The following DNASE1 variants were observed in gnomAD, a reference collection of about 807,000 sequenced individuals.
DNASE1 encodes the protein deoxyribonuclease-1.
A neutral mutation model predicts 33.9 loss-of-function variants in DNASE1; 40 were observed. The ratio of observed to expected loss-of-function variants is 1.18; its 90% CI spans 0.92 to 1.54. DNASE1 has a LOEUF of 1.54. DNASE1 is among the 40% of genes most tolerant of loss of function. The pLI is 0.00. For synonymous variants in DNASE1, 216 were observed against 160.0 expected (o/e 1.35, Z -2.64); for missense variants, 518 against 372.6 (o/e 1.39, Z -3.21).
At chr16:3,635,551 C>T (rs929927893) in intron 1 of DNASE1, among the ~76,000 whole-genome samples, 3 of 148,434 alleles carry the variant, frequency 2.0e-5, no homozygotes, top group African/African-American at 2.5e-5. Flanking sequence ...GTCTTTATTT[C>T]TGACCTGTAT....
At chr16:3,650,055 G>A (rs981866676), upstream of DNASE1, among the ~76,000 whole-genome samples, 1 of 152,214 alleles carries the variant, frequency 6.6e-6, no homozygotes, top group African/African-American at 2.4e-5. Flanking sequence ...ATCAACTGGA[G>A]TTGGTTCCTA....
At chr16:3,648,069 G>A (rs1055204806) in intron 1 of DNASE1, among the ~76,000 whole-genome samples, 1 of 152,206 alleles carries the variant, frequency 6.6e-6, no homozygotes. Context: ...TAGGGAGGCT[G>A]AGGGAGGAGA....
chr16:3,615,197 C>T (rs932509453), intron 1 of DNASE1, among the ~76,000 whole-genome samples: 1 of 152,098 alleles, frequency 6.6e-6, no homozygotes, highest in Non-Finnish European at 1.5e-5. Flanking sequence ...TGCATTTAAC[C>T]AGCACCAACT....
In DNASE1 at chr16:3,618,481, G is replaced by A. The variant is rs182708386; in HGVS notation, c.-1359+6475G>A. Among the ~76,000 whole-genome samples, 135 of 152,362 alleles carry A rather than the reference G, an allele frequency of 8.9e-4. 1 individual carries two copies. Among genetic ancestry groups the A allele is most frequent in the Non-Finnish European group, 1.5e-3 (103 of 68,036 alleles). On this transcript the variant is annotated intron_variant and NMD_transcript_variant, in intron 1 of 11. Coordinates refer to the DNASE1 transcript ENST00000570769. Reference sequence around the variant, plus strand: ...GCGGTGGCTCACGCCCGTAATCCCAGCACTTTGGGAGGCCAAGGCGGGCGG... The same window carrying A: ...GCGGTGGCTCACGCCCGTAATCCCAACACTTTGGGAGGCCAAGGCGGGCGG...
chr16:3,664,498 C>T, exon 10 of DNASE1: 1 of 1,573,440 alleles, frequency 6.4e-7, no homozygotes, highest in Non-Finnish European at 8.6e-7. Context: ...ATTCCAGGCC[C>T]ATGGGCTCAA....
intron 1 of DNASE1, among the ~76,000 whole-genome samples, chr16:3,613,885 G>T (rs1453381846): frequency 2.6e-5 from 4 of 151,254 alleles, no homozygotes; most frequent in African/African-American, 9.7e-5. Flanking sequence ...GGGATTACAG[G>T]CGCCCGCAAC....
intron 1 of DNASE1, among the ~76,000 whole-genome samples, chr16:3,624,504 A>G (rs897017273): frequency 3.9e-5 from 6 of 152,172 alleles, no homozygotes; most frequent in Non-Finnish European, 8.8e-5. Flanking sequence ...CTGAGTTCAC[A>G]GTGGCTGAAG....
At chr16:3,664,466 G>C in exon 10 of DNASE1, 1 of 1,606,120 alleles carries the variant, frequency 6.2e-7, no homozygotes, top group South Asian at 1.1e-5. Flanking sequence ...CCTCCTAGAA[G>C]GGACGGGGCA....
At chr16:3,613,245 C>T (rs2151147556) in intron 1 of DNASE1, among the ~76,000 whole-genome samples, 1 of 152,284 alleles carries the variant, frequency 6.6e-6, no homozygotes, top group African/African-American at 2.4e-5. Context: ...TTGGCTTTTT[C>T]TGCTGGGCTT....
rs549462150 is a variant in DNASE1 at position 3,634,790 on chromosome 16, A to C, written c.-1358-5925A>C. ...TCAGCCTCCCAAAGTGTTGGGATTA[A>C]CAGGTGTGAGCCATTGTACCCAGCT... On this transcript the variant is annotated intron_variant and NMD_transcript_variant, in intron 1 of 11. Transcript: ENST00000570769. 2.0e-5 allele frequency among the ~76,000 whole-genome samples: 3 copies of C among 152,072 alleles called. No homozygotes were observed. In the South Asian group the frequency reaches 6.2e-4, roughly 32 times the overall value.
chr16:3,659,100 ATATACAC>A, downstream of DNASE1: 2 of 507,832 alleles, frequency 3.9e-6, no homozygotes, highest in South Asian at 5.5e-5. Context: ...TCCAAGATTA[ATATACAC>A]TAAAGGGACA....
At chr16:3,629,292 A>G (rs183800303) in intron 1 of DNASE1, among the ~76,000 whole-genome samples, 223 of 150,776 alleles carry the variant, frequency 1.5e-3, no homozygotes, top group Non-Finnish European at 9.0e-4. Context: ...GAATGTTTTC[A>G]TTTTGAGAGG....
In DNASE1 at chr16:3,657,970, C is replaced by G. The variant is rs8176937; in HGVS notation, c.*17C>G. The G allele has an allele frequency of 2.7e-3, 4,436 of 1,613,852 alleles. 130 individuals are homozygous for G. In the African/African-American group the frequency reaches 0.053, roughly 19 times the overall value. ...CTGAAGTGAGCAGCCCCTCCCCACA[C>G]CAGTTGAACTGCAGGAAGAGAGGAC... is the stretch of plus-strand genomic sequence containing the variant. On this transcript the variant is annotated 3_prime_UTR_variant, in exon 9 of 9. Transcript: ENST00000246949.
At chr16:3,633,441 T>C (rs772096434) in intron 1 of DNASE1, among the ~76,000 whole-genome samples, 1 of 152,112 alleles carries the variant, frequency 6.6e-6, no homozygotes, top group Non-Finnish European at 1.5e-5. Context: ...ACCCCATCTC[T>C]ACTAAAAATA....
exon 10 of DNASE1, chr16:3,663,330 T>A: frequency 6.5e-7 from 1 of 1,539,244 alleles, no homozygotes; most frequent in Non-Finnish European, 8.8e-7. Context: ...CCAGGTCAAC[T>A]GACGAAAACC....
Position 3,655,471 on chromosome 16 carries a change from T to G in DNASE1, c.98T>G (p.Phe33Cys). 1.9e-6 allele frequency: 3 copies of G among 1,614,114 alleles called. No homozygotes were observed. Among genetic ancestry groups the G allele is most frequent in the Non-Finnish European group, 1.7e-6 (2 of 1,180,020 alleles). The change falls in exon 2 of 9, where the codon TTT (phenylalanine) becomes TGT (cysteine). Residue 33 changes from phenylalanine (F) to cysteine (C), a missense_variant. Transcript: ENST00000246949. ...LKIAAFNIQT[F>C]GETKMSNATL... ...ATCGCAGCCTTCAACATCCAGACAT[T>G]TGGGGAGACCAAGATGTCCAATGCC...
At chr16:3,644,830 T>C (rs1416789426) in intron 1 of DNASE1, among the ~76,000 whole-genome samples, 2 of 151,634 alleles carry the variant, frequency 1.3e-5, no homozygotes, top group Admixed American at 1.3e-4. Flanking sequence ...GAAAGGTCAA[T>C]AGAAAATACA....
upstream of DNASE1, chr16:3,650,628 AAAAG>A (rs1166122792): frequency 1.5e-5 from 2 of 132,566 alleles, no homozygotes; most frequent in Admixed American, 1.5e-4. Flanking sequence ...AAAGAAAAGA[AAAAG>A]AAATCCCCCA....
intron 1 of DNASE1, among the ~76,000 whole-genome samples, chr16:3,633,800 A>C (rs1170583302): frequency 6.6e-6 from 1 of 151,904 alleles, no homozygotes; most frequent in Non-Finnish European, 1.5e-5. Context: ...TCAAAAGCGA[A>C]ATTATTATTT....
Sources: gnomAD v4.1 joint callset for allele counts (sites outside exome capture counted in the v4.1 genomes callset) on GRCh38, gnomAD v4.1.1 for gene constraint, MANE v1.5 for transcripts, NCBI Gene and HGNC (gene_info 2026-07-23, HGNC 2026-07-21) for gene names.